The following LTBP2 variants were observed in gnomAD, a reference collection of about 807,000 sequenced individuals.
LTBP2 encodes latent-transforming growth factor beta-binding protein 2.
Under a neutral mutation model 210.6 loss-of-function variants are expected in LTBP2, and 103 were observed. The ratio of observed to expected loss-of-function variants is 0.49; its 90% confidence interval spans 0.42 to 0.58. The LOEUF (loss-of-function observed/expected upper bound fraction) is 0.58. Ranked by LOEUF, LTBP2 falls within the 20% of genes least tolerant of loss-of-function variation. The probability of loss-of-function intolerance (pLI) is 0.00; values close to 1 mark genes in which losing one functional copy is unlikely to be tolerated. For missense variants in LTBP2, 2,313 were observed against 2,494.5 expected (o/e 0.93, Z 1.55); for synonymous variants, 1,007 against 1,015.0 (o/e 0.99, Z 0.15).
chr14:74,540,035 T>C lies in LTBP2; in HGVS notation c.1790-4035A>G, dbSNP rs888238720. On this transcript the variant is annotated intron_variant, in intron 8 of 35. Transcript: ENST00000261978. Reference sequence around the variant, plus strand: ...TAGAGGGAAATAAATGCCAAGCCACTGTCTCTGGGGAAACTCCCATTTTTA... The same window carrying C: ...TAGAGGGAAATAAATGCCAAGCCACCGTCTCTGGGGAAACTCCCATTTTTA... Among the ~76,000 whole-genome samples, 17 of 152,196 alleles carry C rather than the reference T, an allele frequency of 1.1e-4. 1 individual carries two copies. Among genetic ancestry groups the C allele is most frequent in the African/African-American group, 3.6e-4 (15 of 41,448 alleles).
chr14:74,566,107 A>G (rs1460157138), intron 3 of LTBP2, among the ~76,000 whole-genome samples: 1 of 152,096 alleles, frequency 6.6e-6, no homozygotes, highest in Non-Finnish European at 1.5e-5. Flanking sequence ...TACATAGACA[A>G]TCGTCATAGT....
At position 74,612,059 on chromosome 14, in the gene LTBP2, G is replaced by T; in HGVS notation, c.-115C>A. Reference sequence around the variant, plus strand: ...CCCGCCCGGCGGCCAGCTTCTCTGAGTCTAGGGGGCCCTGAAGCGGCCGAC... The same window carrying T: ...CCCGCCCGGCGGCCAGCTTCTCTGATTCTAGGGGGCCCTGAAGCGGCCGAC... On this transcript the variant is annotated 5_prime_UTR_variant, in exon 1 of 36. Coordinates refer to ENST00000261978, the MANE Select transcript of LTBP2 (RefSeq NM_000428.3). 8.3e-7 allele frequency: 1 copy of T among 1,208,172 alleles called. No homozygotes were observed. The highest frequency in any genetic ancestry group is 1.1e-6 in the Non-Finnish European group (1 of 915,418). 74.8% of individuals were successfully genotyped at this position (1,208,172 alleles called of 1,614,324 possible).
At chr14:74,525,384 T>TA (rs1294449108) in intron 14 of LTBP2, among the ~76,000 whole-genome samples, 159 bp from the exon 15 acceptor site, 2 of 152,170 alleles carry the variant, frequency 1.3e-5, no homozygotes, top group African/African-American at 2.4e-5. Flanking sequence ...TGGCCCCACT[T>TA]AGAGAATCTG....
chr14:74,540,858 T>TA, intron 8 of LTBP2, among the ~76,000 whole-genome samples: 2 of 54,100 alleles, frequency 3.7e-5, no homozygotes, highest in Non-Finnish European at 1.0e-4. Context: ...TTATATATAT[T>TA]ATATATATTT....
Position 74,505,020 on chromosome 14 carries a change from C to T in LTBP2, c.4332G>A (p.Trp1444Ter), listed in dbSNP as rs1015618402. 1 of 1,614,206 alleles carries T rather than the reference C, an allele frequency of 6.2e-7. No homozygotes were observed. Among genetic ancestry groups the T allele is most frequent in the Non-Finnish European group, 8.5e-7 (1 of 1,180,044 alleles). Residue 1444 changes from tryptophan (W) to a stop codon, truncating the protein, a stop_gained, in exon 29 of 36, where the codon TGG becomes TGA. Coordinates refer to ENST00000261978, the MANE Select transcript of LTBP2 (RefSeq NM_000428.3). LOFTEE classifies it high-confidence loss of function. ...ACGGGCAGAGGTCACAGGCATCTCC[C>T]CAGCTAGCGCCCTGGGTGCAGCAGC... ...AECCCTQGAS[W>*]GDACDLCPSE...
At chr14:74,608,238 A>G (rs1032261248) in intron 1 of LTBP2, among the ~76,000 whole-genome samples, 2 of 152,210 alleles carry the variant, frequency 1.3e-5, no homozygotes, top group African/African-American at 2.4e-5. Flanking sequence ...ACTATGTTAT[A>G]TTATTTTCAA....
At chr14:74,537,422 C>G (rs534755030) in intron 8 of LTBP2, among the ~76,000 whole-genome samples, 1 of 152,304 alleles carries the variant, frequency 6.6e-6, no homozygotes, top group South Asian at 2.1e-4. Flanking sequence ...TGCCACAGAC[C>G]TTATTCCATA....
At chr14:74,575,508 A>G (rs2088046379) in intron 3 of LTBP2, among the ~76,000 whole-genome samples, 1 of 152,246 alleles carries the variant, frequency 6.6e-6, no homozygotes, top group South Asian at 2.1e-4. Context: ...CTATAATGTG[A>G]AGGACAACCC....
chr14:74,500,812 G>A lies in LTBP2; in HGVS notation c.*72C>T. The A allele has an allele frequency of 6.3e-7, 1 of 1,598,584 alleles. No homozygotes were observed. The highest frequency in any genetic ancestry group is 8.6e-7 in the Non-Finnish European group (1 of 1,168,232). ...GATGTCACGGTGTCTTCCCAGCTAG[G>A]AAATCATCCTCAAGGCCCCTGCCTG... On this transcript the variant is annotated 3_prime_UTR_variant, in exon 36 of 36. Transcript: ENST00000261978.
chr14:74,566,430 G>A (rs981746034), intron 3 of LTBP2, among the ~76,000 whole-genome samples: 4 of 152,228 alleles, frequency 2.6e-5, no homozygotes, highest in African/African-American at 4.8e-5. Flanking sequence ...GCTCCTTCCT[G>A]CGGCTGCAGG....
chr14:74,510,345 G>C, intron 19 of LTBP2, 132 bp from the exon 20 acceptor site: 1 of 1,291,916 alleles, frequency 7.7e-7, no homozygotes, highest in South Asian at 1.2e-5. Flanking sequence ...ACCTGGGGAG[G>C]CCATGAGGCC....
In LTBP2 at chr14:74,611,975, G is replaced by C; in HGVS notation, c.-31C>G. On this transcript the variant is annotated 5_prime_UTR_variant, in exon 1 of 36. Coordinates refer to ENST00000261978, the MANE Select transcript of LTBP2 (RefSeq NM_000428.3). ...GGGGCGGCTGGAGAGTGGTGCGCGC[G>C]GGCACCGCGAAGAGCTTTGTGGTCG... is the stretch of plus-strand genomic sequence containing the variant. The C allele has an allele frequency of 6.5e-7, 1 of 1,531,266 alleles. No individual in the cohort carries two copies. The highest frequency in any genetic ancestry group is 8.7e-7 in the Non-Finnish European group (1 of 1,147,704). The allele number at this position is 1,531,266 out of a possible 1,614,324, so 94.9% of individuals were successfully genotyped here. A position where few individuals can be genotyped will look rare whatever the true frequency, so the allele number is the denominator to read the frequency against.
At position 74,586,714 on chromosome 14, in the gene LTBP2, G is replaced by A. The variant is rs1742929014; in HGVS notation, c.566-596C>T. 2.0e-5 allele frequency among the ~76,000 whole-genome samples: 3 copies of A among 152,140 alleles called. No homozygotes were observed. The highest frequency in any genetic ancestry group is 7.2e-5 in the African/African-American group (3 of 41,432). ...AACTAAGGAGGCTGGAGGACTCTAAGGGTCCTTCAAAGGCACCTTCAGCTT... is the reference window on the plus strand; with the variant it reads ...AACTAAGGAGGCTGGAGGACTCTAAAGGTCCTTCAAAGGCACCTTCAGCTT... On this transcript the variant is annotated intron_variant, in intron 2 of 35. Transcript: ENST00000261978. This position sits in a 1 kb window ranked among gnomAD's most constrained non-coding sequence, Gnocchi z 4.6.
At chr14:74,584,591 T>C (rs566017024) in intron 3 of LTBP2, among the ~76,000 whole-genome samples, 1 of 152,144 alleles carries the variant, frequency 6.6e-6, no homozygotes, top group Non-Finnish European at 1.5e-5. Context: ...CTCATTGTTA[T>C]CCACCTGGGA....
chr14:74,597,689 G>C (rs1365799180), intron 2 of LTBP2, among the ~76,000 whole-genome samples: 3 of 152,160 alleles, frequency 2.0e-5, no homozygotes, highest in Admixed American at 6.5e-5. Context: ...CCCATGCAGG[G>C]GTAAGAAATG....
intron 3 of LTBP2, among the ~76,000 whole-genome samples, chr14:74,578,392 G>T (rs893875292): frequency 1.3e-5 from 2 of 152,152 alleles, no homozygotes; most frequent in African/African-American, 4.8e-5. Context: ...CCACATCAAG[G>T]TCAAAGAAAT....
At chr14:74,567,713 T>C (rs1452327961) in intron 3 of LTBP2, among the ~76,000 whole-genome samples, 1 of 152,074 alleles carries the variant, frequency 6.6e-6, no homozygotes, top group African/African-American at 2.4e-5. Flanking sequence ...ATATCTTCCA[T>C]GGAGTCGTCA....
chr14:74,535,345 C>T (rs1288970866), intron 9 of LTBP2, among the ~76,000 whole-genome samples: 4 of 152,186 alleles, frequency 2.6e-5, no homozygotes, highest in Admixed American at 1.3e-4. Flanking sequence ...ACTGTTTGTC[C>T]AGTTGTCAAA....
intron 8 of LTBP2, among the ~76,000 whole-genome samples, chr14:74,543,334 C>T (rs563777986): frequency 4.8e-5 from 7 of 145,444 alleles, no homozygotes; most frequent in Admixed American, 1.4e-4. Flanking sequence ...GCCGAGATTG[C>T]GCCACTGCAC....
Sources: allele counts gnomAD v4.1 joint callset (sites outside exome capture counted in the v4.1 genomes callset), GRCh38; gene constraint gnomAD v4.1.1; non-coding constraint Gnocchi (gnomAD v3.1); transcripts MANE v1.5; gene names NCBI Gene and HGNC (gene_info 2026-07-23, HGNC 2026-07-21).